Variants in GALNTL6 observed in about 807,000 individuals in gnomAD.
GALNTL6 encodes the protein polypeptide N-acetylgalactosaminyltransferase like 6.
Under a neutral mutation model 73.7 loss-of-function variants are expected in GALNTL6, and 46 were observed. The ratio of observed to expected loss-of-function variants is 0.62; its 90% CI spans 0.49 to 0.80. The LOEUF (loss-of-function observed/expected upper bound fraction) is 0.80, where lower values mean the gene tolerates loss of function less well. Among genes scored for constraint, GALNTL6 ranks in the 30% least tolerant of loss-of-function variants. The pLI is 0.00. For synonymous variants in GALNTL6, 259 were observed against 263.7 expected (o/e 0.98, Z 0.17); for missense variants, 604 against 755.0 (o/e 0.80, Z 2.34).
intron 5 of GALNTL6, among the ~76,000 whole-genome samples, chr4:172,643,922 A>G (rs558912626): frequency 9.2e-5 from 14 of 152,058 alleles, no homozygotes; most frequent in African/African-American, 3.1e-4. Flanking sequence ...AAGGATCACT[A>G]CTGGTCATGA....
chr4:171,887,526 T>C (rs558184022), intron 2 of GALNTL6, among the ~76,000 whole-genome samples: 1 of 152,268 alleles, frequency 6.6e-6, no homozygotes, highest in East Asian at 1.9e-4. Flanking sequence ...GAGGCTCCTG[T>C]GGGAAACTAG....
chr4:172,462,607 C>A (rs891216008), intron 5 of GALNTL6, among the ~76,000 whole-genome samples: 2 of 152,126 alleles, frequency 1.3e-5, no homozygotes, highest in African/African-American at 4.8e-5. Context: ...AGTATAACTG[C>A]TTATTTAAAA....
chr4:172,169,546 C>G (rs761166175), intron 2 of GALNTL6, among the ~76,000 whole-genome samples: 3 of 151,892 alleles, frequency 2.0e-5, no homozygotes, highest in Non-Finnish European at 4.4e-5. Context: ...TAGAACAGAG[C>G]TTTAAGTTTC....
intron 2 of GALNTL6, among the ~76,000 whole-genome samples, chr4:172,008,145 T>G (rs958469334): frequency 1.3e-5 from 2 of 152,208 alleles, no homozygotes; most frequent in Non-Finnish European, 2.9e-5. Flanking sequence ...ATAAGTATAT[T>G]CAAACAGCTT....
chr4:172,431,874 G>A (rs1731467402), intron 5 of GALNTL6, among the ~76,000 whole-genome samples: 1 of 151,988 alleles, frequency 6.6e-6, no homozygotes, highest in Non-Finnish European at 1.5e-5. Context: ...TAAAGTTGAG[G>A]TCAAGGAAAT....
At chr4:172,363,764 A>G (rs1329248012) in intron 5 of GALNTL6, among the ~76,000 whole-genome samples, 5 of 152,178 alleles carry the variant, frequency 3.3e-5, no homozygotes, top group Non-Finnish European at 4.4e-5. Flanking sequence ...AAATTTATTT[A>G]TTTATTTATT....
At chr4:171,976,145 A>G (rs1228923969) in intron 2 of GALNTL6, among the ~76,000 whole-genome samples, 1 of 151,992 alleles carries the variant, frequency 6.6e-6, no homozygotes, top group African/African-American at 2.4e-5. Flanking sequence ...CTGGTCTTGA[A>G]CTCCTGACCT....
At chr4:172,447,350 C>T (rs1290500478) in intron 5 of GALNTL6, among the ~76,000 whole-genome samples, 1 of 152,142 alleles carries the variant, frequency 6.6e-6, no homozygotes, top group Non-Finnish European at 1.5e-5. Flanking sequence ...TGTCACTCTT[C>T]CTGGCTGTGT....
intron 7 of GALNTL6, among the ~76,000 whole-genome samples, chr4:172,860,481 C>T (rs929879127): frequency 2.0e-5 from 3 of 152,026 alleles, no homozygotes; most frequent in Non-Finnish European, 4.4e-5. Flanking sequence ...CAAAAAAGTA[C>T]ATTTATTGAG....
At chr4:172,791,431 TG>T (rs1739990117) in intron 5 of GALNTL6, among the ~76,000 whole-genome samples, 1 of 152,310 alleles carries the variant, frequency 6.6e-6, no homozygotes, top group South Asian at 2.1e-4. Flanking sequence ...GATACACAGC[TG>T]GGTGCATGAG....
chr4:172,935,416 G>T (rs1415920985), intron 9 of GALNTL6, among the ~76,000 whole-genome samples: 1 of 152,012 alleles, frequency 6.6e-6, no homozygotes, highest in Non-Finnish European at 1.5e-5. Context: ...GCAGAGACAA[G>T]AAATAACTAA....
At chr4:171,939,659 A>C (rs1414866585) in intron 2 of GALNTL6, among the ~76,000 whole-genome samples, 2 of 152,098 alleles carry the variant, frequency 1.3e-5, no homozygotes, top group African/African-American at 2.4e-5. Context: ...ACTATAGAAC[A>C]ATACGTTTTA....
chr4:172,377,991 T>G (rs768623035), intron 5 of GALNTL6, among the ~76,000 whole-genome samples: 10 of 151,514 alleles, frequency 6.6e-5, no homozygotes, highest in Non-Finnish European at 1.0e-4. Flanking sequence ...GCTTCCACAG[T>G]GCAGCGGCAG....
intron 12 of GALNTL6, among the ~76,000 whole-genome samples, chr4:173,024,923 A>G (rs1753172225): frequency 6.6e-6 from 1 of 152,164 alleles, no homozygotes; most frequent in Non-Finnish European, 1.5e-5. Context: ...AAGGAATAAG[A>G]TCAATATTTC....
intron 2 of GALNTL6, among the ~76,000 whole-genome samples, chr4:171,856,977 G>A (rs1396958886): frequency 6.6e-6 from 1 of 152,124 alleles, no homozygotes; most frequent in East Asian, 1.9e-4. Context: ...CAGTGATTGT[G>A]ACAGACAACA....
At position 172,259,573 on chromosome 4, in the gene GALNTL6, G is replaced by C. The variant is rs149517148; in HGVS notation, c.247+29809G>C. Among the ~76,000 whole-genome samples the C allele has an allele frequency of 4.9e-3, 748 of 151,296 alleles. 9 individuals are homozygous for C. The highest frequency in any genetic ancestry group is 0.017 in the African/African-American group (689 of 41,368). ...ACTCTGTGGGTTATCTGTTTACTCT[G>C]CTGATTATTTCTTTTGCTATACAGA... is the stretch of plus-strand genomic sequence containing the variant. On this transcript the variant is annotated intron_variant, in intron 3 of 12. Transcript: ENST00000506823.
At position 172,576,639 on chromosome 4, in the gene GALNTL6, T is replaced by C. The variant is rs184884264; in HGVS notation, c.553+227950T>C. On this transcript the variant is annotated intron_variant, in intron 5 of 12. Transcript: ENST00000506823. ...GATTAATTATCCTGCTTTGCAGAAC[T>C]GTTGAGGGGATTGAAATAATATAGT... Among the ~76,000 whole-genome samples, 477 of 152,298 alleles carry C rather than the reference T, an allele frequency of 3.1e-3. 5 individuals are homozygous for C. The highest frequency in any genetic ancestry group is 0.023 in the South Asian group (112 of 4,828).
chr4:171,944,433 G>T (rs1738642309), intron 2 of GALNTL6, among the ~76,000 whole-genome samples: 1 of 152,002 alleles, frequency 6.6e-6, no homozygotes, highest in African/African-American at 2.4e-5. Context: ...GGTTTACTTA[G>T]TTGACACCCA....
rs376216997 is a variant in GALNTL6 at position 172,012,758 on chromosome 4, T to C, written c.138+198040T>C. Reference sequence around the variant, plus strand: ...TCACATCATTATTATTGTTTTTTGTTTGTTTCTTTTTAAATTTATTTTTTG... The same window carrying C: ...TCACATCATTATTATTGTTTTTTGTCTGTTTCTTTTTAAATTTATTTTTTG... On this transcript the variant is annotated intron_variant, in intron 2 of 12. Coordinates refer to ENST00000506823, the MANE Select transcript of GALNTL6 (RefSeq NM_001034845.3). 8.4e-3 allele frequency among the ~76,000 whole-genome samples: 1,276 copies of C among 152,074 alleles called. 14 individuals carry two copies. Among genetic ancestry groups the C allele is most frequent in the African/African-American group, 0.029 (1,222 of 41,534 alleles).
Sources: gnomAD v4.1 joint callset for allele counts (sites outside exome capture counted in the v4.1 genomes callset) on GRCh38, gnomAD v4.1.1 for gene constraint, MANE v1.5 for transcripts, NCBI Gene and HGNC (gene_info 2026-07-23, HGNC 2026-07-21) for gene names.